DGKB: variants seen among roughly 807,000 people sequenced by gnomAD.
The protein encoded by DGKB is diacylglycerol kinase beta.
A neutral mutation model predicts 114.3 loss-of-function variants in DGKB; 67 were observed. The ratio of observed to expected loss-of-function variants is 0.59; its 90% CI spans 0.48 to 0.72. DGKB has a LOEUF of 0.72. DGKB is among the 30% of genes least tolerant of loss of function. The probability of loss-of-function intolerance (pLI) is 0.00; values close to 1 mark genes in which losing one functional copy is unlikely to be tolerated. For synonymous variants in DGKB, 398 were observed against 323.1 expected (o/e 1.23, Z -2.49); for missense variants, 907 against 975.2 (o/e 0.93, Z 0.93).
At position 14,739,428 on chromosome 7, in the gene DGKB, T is replaced by C. The variant is rs558142741; in HGVS notation, c.169-3234A>G. ...GGAGAATCTTGGCCTCTTCAGCTCA[T>C]GTGTGGTGGCCTGGTATTCAATTTG... On this transcript the variant is annotated intron_variant, in intron 4 of 25. Transcript: ENST00000402815. 2.0e-5 allele frequency among the ~76,000 whole-genome samples: 3 copies of C among 152,316 alleles called. No homozygotes were observed. In the East Asian group the frequency reaches 5.8e-4, roughly 29 times the overall value.
At position 14,147,227 on chromosome 7, in the gene DGKB, C is replaced by T. The variant is rs888698748; in HGVS notation, c.*1904G>A. 2 of 152,070 alleles carry T rather than the reference C, an allele frequency of 1.3e-5. No homozygotes were observed. The highest frequency in any genetic ancestry group is 2.9e-5 in the Non-Finnish European group (2 of 67,960). 9.4% of individuals were successfully genotyped at this position (152,070 alleles called of 1,614,324 possible). A position where few individuals can be genotyped will look rare whatever the true frequency, so the allele number is the denominator to read the frequency against. On this transcript the variant is annotated 3_prime_UTR_variant, in exon 26 of 26. Transcript: ENST00000402815. ...TCTGGATTACTCTTCTGCCAAACAA[C>T]TTTTTTATTTTATACCAGCGCAAGT...
intron 1 of DGKB, among the ~76,000 whole-genome samples, chr7:14,894,860 C>A (rs1453634071): frequency 1.3e-5 from 2 of 151,584 alleles, no homozygotes; most frequent in African/African-American, 4.8e-5. Context: ...CCATAAATGG[C>A]TTTTATGCTA....
At chr7:14,840,185 T>C (rs887191261) in intron 2 of DGKB, among the ~76,000 whole-genome samples, 2 of 152,218 alleles carry the variant, frequency 1.3e-5, no homozygotes, top group Non-Finnish European at 2.9e-5. Flanking sequence ...GTTGACCAGA[T>C]GCCTTAATTT....
chr7:14,832,773 T>C (rs571527104), intron 2 of DGKB, among the ~76,000 whole-genome samples: 25 of 152,086 alleles, frequency 1.6e-4, no homozygotes, highest in Non-Finnish European at 7.4e-5. Flanking sequence ...CCTTCTCTCC[T>C]TGCTCAATCT....
chr7:14,473,687 A>T (rs1781755815), intron 21 of DGKB, among the ~76,000 whole-genome samples: 1 of 152,140 alleles, frequency 6.6e-6, no homozygotes, highest in African/African-American at 2.4e-5. Flanking sequence ...ATACCCTGCA[A>T]AGCCACAGGG....
At position 14,302,703 on chromosome 7, in the gene DGKB, C is replaced by T. The variant is rs143793335; in HGVS notation, c.2122+35812G>A. 2.5e-3 allele frequency among the ~76,000 whole-genome samples: 384 copies of T among 152,166 alleles called. 1 individual carries two copies. Among genetic ancestry groups the T allele is most frequent in the Non-Finnish European group, 4.4e-3 (297 of 67,984 alleles). ...CTATTAATTGTAGCCTTCTTAGAGA[C>T]GTATTTCTTGACCAGTCATTCTAAA... On this transcript the variant is annotated intron_variant, in intron 23 of 25. Coordinates refer to ENST00000402815, the MANE Select transcript of DGKB (RefSeq NM_001350709.2).
chr7:14,690,493 G>GT (rs1274455748), intron 9 of DGKB, among the ~76,000 whole-genome samples: 2 of 152,192 alleles, frequency 1.3e-5, no homozygotes, highest in Non-Finnish European at 2.9e-5. Flanking sequence ...AACTTTTTCT[G>GT]TTTTTTAATC....
At chr7:14,528,485 A>G (rs1791005500) in intron 20 of DGKB, among the ~76,000 whole-genome samples, 1 of 152,096 alleles carries the variant, frequency 6.6e-6, no homozygotes, top group Non-Finnish European at 1.5e-5. Flanking sequence ...TGTCTTTTAA[A>G]CTGTGGGCTT....
chr7:14,596,193 T>C lies in DGKB; in HGVS notation c.1433+11241A>G, dbSNP rs11980585. On this transcript the variant is annotated intron_variant, in intron 17 of 25. Coordinates refer to ENST00000402815, the MANE Select transcript of DGKB (RefSeq NM_001350709.2). Reference sequence around the variant, plus strand: ...ACAAGCACAGGAATAATGATACATTTAATATCATGTAACTTTCATCAATAA... The same window carrying C: ...ACAAGCACAGGAATAATGATACATTCAATATCATGTAACTTTCATCAATAA... Among the ~76,000 whole-genome samples the C allele has an allele frequency of 6.1e-3, 926 of 152,294 alleles. 7 individuals carry two copies. The highest frequency in any genetic ancestry group is 0.021 in the African/African-American group (856 of 41,572).
At chr7:14,455,408 A>G (rs992299977) in intron 21 of DGKB, among the ~76,000 whole-genome samples, 19 of 152,044 alleles carry the variant, frequency 1.2e-4, no homozygotes, top group African/African-American at 4.6e-4. Flanking sequence ...GCATTTTTGC[A>G]TATTATCAAC....
chr7:14,845,422 T>G (rs1848508750), intron 1 of DGKB, among the ~76,000 whole-genome samples: 1 of 152,190 alleles, frequency 6.6e-6, no homozygotes, highest in Non-Finnish European at 1.5e-5. Context: ...TATAAGTTGT[T>G]TTGAGCCCTG....
chr7:14,648,954 A>C (rs1319037823), intron 13 of DGKB, among the ~76,000 whole-genome samples: 2 of 96,948 alleles, frequency 2.1e-5, no homozygotes, highest in Admixed American at 2.5e-4. Flanking sequence ...AAAAAAGAAT[A>C]AAAAGAAATG....
At chr7:14,522,306 T>C (rs1323088080) in intron 20 of DGKB, among the ~76,000 whole-genome samples, 3 of 152,172 alleles carry the variant, frequency 2.0e-5, no homozygotes, top group Non-Finnish European at 1.5e-5. Context: ...CTTGGGCCTG[T>C]TGTGTTCTCT....
At chr7:14,329,960 A>G (rs1456346731) in intron 23 of DGKB, among the ~76,000 whole-genome samples, 1 of 152,016 alleles carries the variant, frequency 6.6e-6, no homozygotes, top group Non-Finnish European at 1.5e-5. Flanking sequence ...TATTTTCAAT[A>G]GACAGAGGAC....
At chr7:14,803,563 T>G (rs987577046) in intron 2 of DGKB, among the ~76,000 whole-genome samples, 3 of 152,176 alleles carry the variant, frequency 2.0e-5, no homozygotes, top group Non-Finnish European at 4.4e-5. Flanking sequence ...TCAAATGGCT[T>G]TCTGTTTCTT....
chr7:14,372,651 A>C (rs1817847564), intron 21 of DGKB, among the ~76,000 whole-genome samples: 1 of 152,082 alleles, frequency 6.6e-6, no homozygotes, highest in African/African-American at 2.4e-5. Context: ...TGATTTCTTA[A>C]AGTGATTAGT....
intron 13 of DGKB, among the ~76,000 whole-genome samples, chr7:14,660,081 G>A (rs1220027041): frequency 6.6e-6 from 1 of 151,174 alleles, no homozygotes; most frequent in Admixed American, 6.6e-5. Flanking sequence ...CAGGGATGAA[G>A]CCCACATGAT....
intron 1 of DGKB, among the ~76,000 whole-genome samples, chr7:14,948,539 G>T (rs1412827734): frequency 6.6e-6 from 1 of 151,836 alleles, no homozygotes; most frequent in Admixed American, 6.6e-5. Flanking sequence ...CTAAAAAATA[G>T]ATCTTCCAGG....
At chr7:14,907,900 G>A (rs549353509), upstream of DGKB, among the ~76,000 whole-genome samples, 1 of 152,306 alleles carries the variant, frequency 6.6e-6, no homozygotes, top group African/African-American at 2.4e-5. Context: ...AATGTGTGAA[G>A]TCCTAAGCTG....
Sources: allele counts gnomAD v4.1 joint callset (sites outside exome capture counted in the v4.1 genomes callset), GRCh38; gene constraint gnomAD v4.1.1; transcripts MANE v1.5; gene names NCBI Gene and HGNC (gene_info 2026-07-23, HGNC 2026-07-21).